Variants in CLK1 observed in about 807,000 individuals in gnomAD.
The protein encoded by CLK1 is dual specificity protein kinase CLK1.
In CLK1, 40 loss-of-function variants were observed where a neutral mutation model predicts 60.9. That is an observed-to-expected ratio of 0.66 (90% confidence interval 0.51 to 0.86). CLK1 has a LOEUF of 0.86. Ranked by LOEUF, CLK1 falls within the 40% of genes least tolerant of loss-of-function variation. CLK1 has a pLI of 0.00. For synonymous variants in CLK1, 203 were observed against 184.4 expected, an observed-to-expected ratio of 1.10 and a Z score of -0.82; for missense variants, 563 against 606.1, an observed-to-expected ratio of 0.93 and a Z score of 0.75.
Position 200,857,861 on chromosome 2 carries a change from C to T in CLK1, c.689G>A (p.Trp230Ter), listed in dbSNP as rs1262266127. 1 of 1,613,252 alleles carries T rather than the reference C, an allele frequency of 6.2e-7. No individual in the cohort carries two copies. Among genetic ancestry groups the T allele is most frequent in the East Asian group, 2.2e-5 (1 of 44,872 alleles). ...STFRCVQMLE[W>*]FEHHGHICIV... ...GCAAATGTGACCATGATGCTCAAAC[C>T]ATTCCAACATCTGGACACAGCGGCT... Residue 230 changes from tryptophan (W) to a stop codon, truncating the protein, a stop_gained, in exon 7 of 13, where the codon TGG becomes TAG. Coordinates refer to ENST00000321356, the MANE Select transcript of CLK1 (RefSeq NM_004071.4). LOFTEE classifies it high-confidence loss of function.
chr2:200,864,372 G>C, intron 1 of CLK1, 192 bp downstream of exon 1: 2 of 1,118,098 alleles, frequency 1.8e-6, no homozygotes, highest in Non-Finnish European at 2.4e-6. Context: ...GGCCGGATCC[G>C]GCGGCGACAG....
At chr2:200,859,189 A>G (rs1164311572) in intron 5 of CLK1, among the ~76,000 whole-genome samples, 2 of 152,098 alleles carry the variant, frequency 1.3e-5, no homozygotes, top group Admixed American at 6.5e-5. Flanking sequence ...CTCGAGAAAA[A>G]AAAAAATTTC....
In CLK1 at chr2:200,861,852, G is replaced by C. The variant is rs2039144339; in HGVS notation, c.11C>G (p.Ser4Ter). Residue 4 changes from serine (S) to a stop codon, truncating the protein, a stop_gained, in exon 2 of 13, where the codon TCA becomes TGA. Transcript: ENST00000321356. LOFTEE classifies it high-confidence loss of function. ...CCAATCAGGACAGTAAGTTCTCTTT[G>C]AGTGTCTCATCTACATAAAAGGCAA... The part of the protein sequence containing the change: MRH[S>*]KRTYCPDWDD... 6.2e-7 allele frequency: 1 copy of C among 1,613,716 alleles called. No homozygotes were observed. The highest frequency in any genetic ancestry group is 8.5e-7 in the Non-Finnish European group (1 of 1,179,954).
chr2:200,864,217 C>T lies in CLK1; in HGVS notation c.-1+347G>A, dbSNP rs1273343736. The T allele has an allele frequency of 1.9e-6, 3 of 1,547,954 alleles. No homozygotes were observed. The South Asian group carries it at 3.6e-5, about 18-fold the overall frequency. On this transcript the variant is annotated intron_variant, in intron 1 of 12. Coordinates refer to ENST00000321356, the MANE Select transcript of CLK1 (RefSeq NM_004071.4). ...CACAGGGCCGAAGCCGGCCTCCGCC[C>T]AGCCGCCATCTTACAGCTCCGCCGA...
At chr2:200,857,250 G>A in intron 7 of CLK1, 2 of 436,632 alleles carry the variant, frequency 4.6e-6, no homozygotes, top group East Asian at 4.1e-5. Context: ...AGTTTGCAGT[G>A]AGTGAAGACT....
chr2:200,862,957 T>G (rs1158199055), intron 1 of CLK1, among the ~76,000 whole-genome samples: 1 of 152,214 alleles, frequency 6.6e-6, no homozygotes, highest in Non-Finnish European at 1.5e-5. Flanking sequence ...CAACATAATT[T>G]ATCCTAAACG....
In CLK1 at chr2:200,859,946, TAACA is replaced by T. The variant is rs981658576; in HGVS notation, c.481+175_481+178del. Reference sequence around the variant, plus strand: ...TGATTACTGTTCTGGAAGTTCTATATAACAAACATTACATTTCTAAAGAAAGCAA... The same window carrying T: ...TGATTACTGTTCTGGAAGTTCTATATAACATTACATTTCTAAAGAAAGCAA... On this transcript the variant is annotated intron_variant, in intron 4 of 12. Coordinates refer to ENST00000321356, the MANE Select transcript of CLK1 (RefSeq NM_004071.4). 15 of 1,431,894 alleles carry T rather than the reference TAACA, an allele frequency of 1.0e-5. No homozygotes were observed. In the Admixed American group the frequency reaches 3.2e-4, roughly 30 times the overall value. The allele number at this position is 1,431,894 out of a possible 1,614,324, so 88.7% of individuals were successfully genotyped here. A position where few individuals can be genotyped will look rare whatever the true frequency, so the allele number is the denominator to read the frequency against.
intron 1 of CLK1, chr2:200,864,077 G>A (rs1249196538): frequency 6.5e-7 from 1 of 1,544,910 alleles, no homozygotes; most frequent in Admixed American, 2.0e-5. Flanking sequence ...AACCCCTACG[G>A]GTTCCGTCTC....
intron 12 of CLK1, among the ~76,000 whole-genome samples, 174 bp from the exon 13 acceptor site, chr2:200,853,623 T>C (rs1027257555): frequency 6.8e-6 from 1 of 146,620 alleles, no homozygotes; most frequent in Non-Finnish European, 1.5e-5. Context: ...GGTGGATCAC[T>C]TGAGGCCAGG....
intron 10 of CLK1, 108 bp from the exon 11 acceptor site, chr2:200,854,803 A>T: frequency 1.1e-6 from 1 of 870,176 alleles, no homozygotes; most frequent in Non-Finnish European, 1.9e-6. Flanking sequence ...AAACTCGCCA[A>T]TGATTCCCTA....
chr2:200,853,453 G>A lies in CLK1; in HGVS notation c.1312-4C>T. On this transcript the variant is annotated splice_region_variant and splice_polypyrimidine_tract_variant and intron_variant, in intron 12 of 12. Coordinates refer to ENST00000321356, the MANE Select transcript of CLK1 (RefSeq NM_004071.4). ...CATCTTGAGAAAGCATAAATTCCTG[G>A]AAGAAAAAAAGAAATTCATTCAACA... 6.3e-7 allele frequency: 1 copy of A among 1,596,948 alleles called. No individual in the cohort carries two copies. The highest frequency in any genetic ancestry group is 8.5e-7 in the Non-Finnish European group (1 of 1,175,672).
intron 1 of CLK1, among the ~76,000 whole-genome samples, chr2:200,863,413 C>A (rs184102254): frequency 6.6e-6 from 1 of 151,890 alleles, no homozygotes; most frequent in Admixed American, 6.6e-5. Flanking sequence ...AAAAAATTAA[C>A]CAGGAGTGGT....
chr2:200,854,854 AAAT>A, intron 10 of CLK1, 147 bp downstream of exon 10: 1 of 778,318 alleles, frequency 1.3e-6, no homozygotes, highest in Non-Finnish European at 2.1e-6. Flanking sequence ...AAGATGTTTT[AAAT>A]AAAACAATTA....
rs372864435 is a variant in CLK1, at chr2:200,853,769, T to G, written c.1311+134A>C. ...GGCTGAGACCTGCTTGAGCCTAGGA[T>G]GCAGAGGTTGCAGTGAGCTGGGCCA... is the stretch of plus-strand genomic sequence containing the variant. On this transcript the variant is annotated intron_variant, in intron 12 of 12. Transcript: ENST00000321356. 1.8e-5 allele frequency: 10 copies of G among 543,610 alleles called. 1 individual carries two copies. The highest frequency in any genetic ancestry group is 1.1e-4 in the South Asian group (4 of 36,150). The allele number at this position is 543,610 out of a possible 1,614,324, so 33.7% of individuals were successfully genotyped here.
chr2:200,859,494 C>T (rs1346130482), intron 5 of CLK1, among the ~76,000 whole-genome samples, 186 bp downstream of exon 5: 1 of 152,122 alleles, frequency 6.6e-6, no homozygotes, highest in Admixed American at 6.6e-5. Context: ...AGAAATTATA[C>T]ATACTATTAG....
chr2:200,861,006 T>C (rs760565328), intron 3 of CLK1: 27 of 1,325,280 alleles, frequency 2.0e-5, no homozygotes, highest in Admixed American at 3.6e-5. Flanking sequence ...TTAACTCCCA[T>C]CATTTCACTG....
chr2:200,862,484 A>T (rs546143083), intron 1 of CLK1, among the ~76,000 whole-genome samples: 1 of 151,628 alleles, frequency 6.6e-6, no homozygotes, highest in East Asian at 1.9e-4. Context: ...ACTTTGTGAG[A>T]TCCGCCCCCT....
chr2:200,856,982 A>G lies in CLK1; in HGVS notation c.836T>C (p.Leu279Ser). The change falls in exon 8 of 13, where the codon TTG (leucine) becomes TCG (serine). Residue 279 changes from leucine (L) to serine (S), a missense_variant. Leu to Ser is a moderately radical substitution (Grantham distance 145). This residue lies in a region of CLK1 where 360 missense variants were observed against 407.0 expected (regional missense o/e 0.88). Transcript: ENST00000321356. ...AYQICKSVNF[L>S]HSNKLTHTDL... ...TGTGTGAGTCAACTTATTACTGTGC[A>G]AAACTGAGAATAAAGAGAAAGTTGC... 2 of 1,612,842 alleles carry G rather than the reference A, an allele frequency of 1.2e-6. No homozygotes were observed. Among genetic ancestry groups the G allele is most frequent in the Non-Finnish European group, 1.7e-6 (2 of 1,179,090 alleles).
chr2:200,860,510 TTAGTTG>T, intron 3 of CLK1: 1 of 1,102,846 alleles, frequency 9.1e-7, no homozygotes, highest in Non-Finnish European at 1.1e-6. Flanking sequence ...AAAAAAATGC[TTAGTTG>T]TAGCATTCAC....
Sources: gnomAD v4.1 joint callset for allele counts (sites outside exome capture counted in the v4.1 genomes callset) on GRCh38, gnomAD v4.1.1 for gene constraint, gnomAD v4.1.1 regional missense constraint, MANE v1.5 for transcripts, NCBI Gene and HGNC (gene_info 2026-07-23, HGNC 2026-07-21) for gene names.